Variants in CKAP5 observed in about 807,000 individuals in gnomAD.
CKAP5 encodes the protein cytoskeleton-associated protein 5.
In CKAP5, 27 loss-of-function variants were observed where a neutral mutation model predicts 232.8. The observed-to-expected ratio is 0.12, with a 90% confidence interval of 0.09 to 0.16. The LOEUF is 0.16. Among genes scored for constraint, CKAP5 ranks in the 10% least tolerant of loss-of-function variants. The probability of loss-of-function intolerance (pLI) is 1.00; values close to 1 mark genes in which losing one functional copy is unlikely to be tolerated. For synonymous variants in CKAP5, 785 were observed against 841.1 expected, an observed-to-expected ratio of 0.93 and a Z score of 1.16; for missense variants, 1,838 against 2,424.7, an observed-to-expected ratio of 0.76 and a Z score of 5.08.
At chr11:46,841,447 C>G (rs1940049441) in intron 1 of CKAP5, among the ~76,000 whole-genome samples, 1 of 152,090 alleles carries the variant, frequency 6.6e-6, no homozygotes, top group Admixed American at 6.6e-5. Context: ...ATTCTATATT[C>G]TCAGAATTGG....
intron 33 of CKAP5, among the ~76,000 whole-genome samples, chr11:46,759,755 T>C (rs2065140322): frequency 6.6e-6 from 1 of 152,202 alleles, no homozygotes; most frequent in South Asian, 2.1e-4. Flanking sequence ...AACAATAAAA[T>C]ATATTTGTAT....
At chr11:46,843,154 T>C (rs11824327) in intron 1 of CKAP5, among the ~76,000 whole-genome samples, 22,555 of 151,814 alleles carry the variant, frequency 0.15, 2,548 homozygotes, top group African/African-American at 0.32. Flanking sequence ...AAGTTTGCTA[T>C]ATTTACCCCA....
intron 9 of CKAP5, among the ~76,000 whole-genome samples, chr11:46,800,290 TTC>T (rs1395161494): frequency 6.6e-6 from 1 of 152,218 alleles, no homozygotes. Context: ...TGGTAGTGTC[TTC>T]TTTTTCTTCA....
chr11:46,804,259 C>T (rs1313209032), intron 8 of CKAP5, among the ~76,000 whole-genome samples: 1 of 152,172 alleles, frequency 6.6e-6, no homozygotes, highest in African/African-American at 2.4e-5. Flanking sequence ...GGACCAGATA[C>T]CCTAATATAA....
chr11:46,798,425 A>C (rs557990784), intron 9 of CKAP5, among the ~76,000 whole-genome samples: 14 of 152,004 alleles, frequency 9.2e-5, no homozygotes, highest in African/African-American at 2.7e-4. Flanking sequence ...AACAAACAAA[A>C]AAAAATTAGC....
rs1207300997 is a variant in CKAP5 at position 46,760,758 on chromosome 11, G to T, written c.4248C>A (p.Leu1416=). ...GNLSEKDMSM[L]EERIKRSAKR... The stretch of plus-strand genomic sequence containing the variant: ...TTGCTGACCGCTTAATCCTCTCCTC[G>T]AGCATGCTCATATCCTTTTCAGAAA... The change falls in exon 33 of 44, where the codon CTC becomes CTA. Residue 1416 remains leucine (L), a synonymous_variant. Transcript: ENST00000529230. The T allele has an allele frequency of 1.2e-6, 2 of 1,614,056 alleles. No homozygotes were observed. The highest frequency in any genetic ancestry group is 2.2e-5 in the South Asian group (2 of 91,080).
intron 3 of CKAP5, among the ~76,000 whole-genome samples, chr11:46,817,903 A>G (rs529892673): frequency 1.3e-5 from 2 of 152,298 alleles, no homozygotes; most frequent in East Asian, 3.9e-4. Flanking sequence ...CTATCTAACA[A>G]CCCTTGTAAA....
intron 5 of CKAP5, among the ~76,000 whole-genome samples, chr11:46,810,435 G>A (rs1232995916): frequency 1.3e-5 from 2 of 152,072 alleles, no homozygotes; most frequent in Admixed American, 6.5e-5. Context: ...TAAGCTTCAC[G>A]AGTAGCTAGG....
At chr11:46,760,525 A>G (rs2065145253) in intron 33 of CKAP5, 87 bp downstream of exon 33, 1 of 1,300,656 alleles carries the variant, frequency 7.7e-7, no homozygotes, top group Non-Finnish European at 1.1e-6. Flanking sequence ...GGCTACAAGA[A>G]CTCAAGATTA....
intron 35 of CKAP5, among the ~76,000 whole-genome samples, chr11:46,758,415 T>C (rs550716379): frequency 3.3e-5 from 5 of 152,344 alleles, no homozygotes; most frequent in African/African-American, 1.2e-4. Context: ...TACAACTGTG[T>C]GATATTTTCT....
At chr11:46,770,669 T>C (rs1478606976) in intron 25 of CKAP5, 119 bp downstream of exon 25, 2 of 862,282 alleles carry the variant, frequency 2.3e-6, no homozygotes, top group Non-Finnish European at 3.5e-6. Flanking sequence ...CCTCAGGTAA[T>C]CCACCTGTCT....
At chr11:46,826,055 C>A (rs948351458) in intron 1 of CKAP5, among the ~76,000 whole-genome samples, 20 of 152,128 alleles carry the variant, frequency 1.3e-4, no homozygotes, top group African/African-American at 4.8e-4. Context: ...CATTACCAGG[C>A]GGCCAGAAAT....
At chr11:46,823,877 C>T (rs565296645) in intron 1 of CKAP5, among the ~76,000 whole-genome samples, 12 of 152,246 alleles carry the variant, frequency 7.9e-5, no homozygotes, top group African/African-American at 2.6e-4. Context: ...AGCGGTCCTC[C>T]GTAATTCTCC....
chr11:46,842,966 C>CA (rs60343444), intron 1 of CKAP5, among the ~76,000 whole-genome samples: 6,236 of 38,952 alleles, frequency 0.16, 759 homozygotes, highest in African/African-American at 0.37. Flanking sequence ...GACTCCGTCT[C>CA]AAAAAAAAAA....
chr11:46,763,383 T>A, intron 29 of CKAP5, 98 bp downstream of exon 29: 1 of 1,129,568 alleles, frequency 8.9e-7, no homozygotes, highest in East Asian at 2.5e-5. Context: ...GAACATAGTA[T>A]ATTCTACTTC....
At position 46,809,384 on chromosome 11, in the gene CKAP5, T is replaced by C; in HGVS notation, c.864+16A>G. The C allele has an allele frequency of 6.9e-7, 1 of 1,455,184 alleles. No homozygotes were observed. Among genetic ancestry groups the C allele is most frequent in the Non-Finnish European group, 9.6e-7 (1 of 1,042,960 alleles). 90.1% of individuals were successfully genotyped at this position (1,455,184 alleles called of 1,614,324 possible). ...TTTTACAAGAAATAAATGAAAGAAG[T>C]TTAACTATTACTTACAATTTTGTCA... On this transcript the variant is annotated intron_variant, in intron 7 of 43. Transcript: ENST00000529230.
chr11:46,809,975 C>CT (rs57998853), intron 5 of CKAP5, 101 bp from the exon 6 acceptor site: 20,772 of 965,878 alleles, frequency 0.022, no homozygotes, highest in East Asian at 0.026. Context: ...CAATTTCTTT[C>CT]TTTTTTTTTT....
chr11:46,834,308 C>T (rs1258308411), intron 1 of CKAP5, among the ~76,000 whole-genome samples: 1 of 151,910 alleles, frequency 6.6e-6, no homozygotes, highest in African/African-American at 2.4e-5. Flanking sequence ...CACTTGAGAT[C>T]AGGAGTTCAA....
chr11:46,784,357 C>A, intron 17 of CKAP5, 131 bp downstream of exon 17: 1 of 725,990 alleles, frequency 1.4e-6, no homozygotes, highest in Admixed American at 2.5e-5. Flanking sequence ...AGTGAAACTC[C>A]ATCTCAAAAA....
Sources: gnomAD v4.1 joint callset for allele counts (sites outside exome capture counted in the v4.1 genomes callset) on GRCh38, gnomAD v4.1.1 for gene constraint, MANE v1.5 for transcripts, NCBI Gene and HGNC (gene_info 2026-07-23, HGNC 2026-07-21) for gene names.